The following DIAPH1 variants were observed in gnomAD, a reference collection of about 807,000 sequenced individuals.
DIAPH1 encodes the protein diaphanous related formin 1.
DIAPH1 carries 46 observed loss-of-function variants against 140.7 expected under a neutral mutation model. That is an observed-to-expected ratio of 0.33 (90% CI 0.26 to 0.42). DIAPH1 has a LOEUF of 0.42. DIAPH1 is among the 10% of genes least tolerant of loss of function. The pLI is 1.00. For missense variants in DIAPH1, 1,310 were observed against 1,558.7 expected (o/e 0.84, Z 2.69); for synonymous variants, 565 against 551.6 (o/e 1.02, Z -0.34).
At chr5:141,523,928 T>G (rs2099886926) in intron 27 of DIAPH1, among the ~76,000 whole-genome samples, 1 of 151,936 alleles carries the variant, frequency 6.6e-6, no homozygotes, top group Non-Finnish European at 1.5e-5. Flanking sequence ...TGCGGCATAA[T>G]CCAATGTAAC....
chr5:141,611,684 CA>C (rs1288285053), intron 1 of DIAPH1, among the ~76,000 whole-genome samples: 1 of 152,172 alleles, frequency 6.6e-6, no homozygotes, highest in African/African-American at 2.4e-5. Context: ...AGCAAATGGG[CA>C]AAATCTTGAA....
intron 27 of DIAPH1, chr5:141,518,649 A>G: frequency 2.7e-6 from 1 of 375,694 alleles, no homozygotes; most frequent in Non-Finnish European, 5.0e-6. Context: ...CAGCCTCCCT[A>G]GTAGCTGGGA....
intron 18 of DIAPH1, among the ~76,000 whole-genome samples, chr5:141,537,485 A>G (rs1255557515): frequency 1.1e-5 from 1 of 91,742 alleles, no homozygotes; most frequent in Non-Finnish European, 2.5e-5. Flanking sequence ...CTCCGTCTCA[A>G]AAAAAAAAAA....
chr5:141,562,517 T>C (rs376095521), intron 18 of DIAPH1, among the ~76,000 whole-genome samples: 11 of 149,242 alleles, frequency 7.4e-5, no homozygotes, highest in Non-Finnish European at 1.6e-4. Flanking sequence ...CTCTAGAAGG[T>C]AGGGGAGGGA....
intron 19 of DIAPH1, among the ~76,000 whole-genome samples, chr5:141,532,190 TG>T (rs1193705986): frequency 1.3e-5 from 2 of 152,094 alleles, no homozygotes; most frequent in Admixed American, 1.3e-4. Flanking sequence ...TTTTTTTTTT[TG>T]AGACGGGTCT....
At position 141,577,566 on chromosome 5, in the gene DIAPH1, G is replaced by A; in HGVS notation, c.1189C>T (p.Leu397Phe). The change falls in exon 12 of 28, where the codon CTC (leucine) becomes TTC (phenylalanine). Residue 397 changes from leucine to phenylalanine, a missense_variant. Leu to Phe is a conservative substitution (Grantham distance 22, BLOSUM62 0). This residue lies in a region of DIAPH1 where 377 missense variants were observed against 497.1 expected (regional missense o/e 0.76). Transcript: ENST00000389054. ...TTTGAATCCTTCACTGTGTTTAAGA[G>A]AATCTGAAAGACTTCATTAAAGTCA... ...MDDFNEVFQI[L>F]LNTVKDSKAE... is the part of the protein sequence containing the mutation. 6.2e-7 allele frequency: 1 copy of A among 1,612,074 alleles called. No homozygotes were observed. Among genetic ancestry groups the A allele is most frequent in the Non-Finnish European group, 8.5e-7 (1 of 1,178,160 alleles).
intron 18 of DIAPH1, among the ~76,000 whole-genome samples, chr5:141,544,137 T>C (rs1297355750): frequency 5.9e-5 from 9 of 151,670 alleles, no homozygotes; most frequent in Admixed American, 5.9e-4. Flanking sequence ...GGTGAAACCC[T>C]GTCTCTAGTA....
intron 1 of DIAPH1, among the ~76,000 whole-genome samples, chr5:141,618,091 A>G (rs1010429712): frequency 1.3e-5 from 2 of 152,218 alleles, no homozygotes; most frequent in Non-Finnish European, 2.9e-5. Flanking sequence ...TCCTCTGAAA[A>G]GTGATAAGCA....
intron 8 of DIAPH1, among the ~76,000 whole-genome samples, chr5:141,580,533 C>T (rs1230104447): frequency 6.6e-6 from 1 of 151,966 alleles, no homozygotes; most frequent in East Asian, 1.9e-4. Context: ...TTTTGCTATA[C>T]CTCTGATGAC....
intron 1 of DIAPH1, among the ~76,000 whole-genome samples, chr5:141,592,145 T>C (rs758920359): frequency 3.3e-5 from 5 of 151,414 alleles, no homozygotes; most frequent in Non-Finnish European, 7.4e-5. Flanking sequence ...GTGTTCAATT[T>C]GGGGAAGGAC....
intron 2 of DIAPH1, chr5:141,587,545 C>A: frequency 3.4e-6 from 1 of 291,024 alleles, no homozygotes; most frequent in South Asian, 4.0e-5. Context: ...CAATAAAATG[C>A]CCTTTGTTTC....
chr5:141,613,547 G>A (rs768541018), intron 1 of DIAPH1, among the ~76,000 whole-genome samples: 6 of 152,126 alleles, frequency 3.9e-5, no homozygotes, highest in Non-Finnish European at 7.3e-5. Context: ...CACTGAGTGG[G>A]TGTTTGGACT....
intron 18 of DIAPH1, among the ~76,000 whole-genome samples, chr5:141,543,530 G>A (rs897117988): frequency 1.3e-5 from 2 of 152,258 alleles, no homozygotes; most frequent in South Asian, 2.1e-4. Context: ...TGGTGCAAAA[G>A]CCATATGCAT....
intron 18 of DIAPH1, among the ~76,000 whole-genome samples, chr5:141,539,436 T>G (rs1054861740): frequency 3.3e-5 from 5 of 150,422 alleles, no homozygotes; most frequent in South Asian, 2.1e-4. Flanking sequence ...TTTTGTTTTT[T>G]TTTTTTGGTA....
chr5:141,531,574 G>A (rs371968025), intron 19 of DIAPH1, among the ~76,000 whole-genome samples: 1 of 151,982 alleles, frequency 6.6e-6, no homozygotes, highest in African/African-American at 2.4e-5. Context: ...TGCAACCTCC[G>A]CTTCCCGGGT....
chr5:141,604,678 G>A (rs2099900663), intron 1 of DIAPH1, among the ~76,000 whole-genome samples: 1 of 152,142 alleles, frequency 6.6e-6, no homozygotes, highest in South Asian at 2.1e-4. Flanking sequence ...CATTCCTAAA[G>A]TCCTTTCATT....
At chr5:141,528,141 A>G (rs1430267215) in intron 23 of DIAPH1, among the ~76,000 whole-genome samples, 1 of 152,178 alleles carries the variant, frequency 6.6e-6, no homozygotes, top group African/African-American at 2.4e-5. Flanking sequence ...GTGAGGCCTA[A>G]TTTTTGTTAA....
chr5:141,532,421 C>T (rs1217991612), intron 19 of DIAPH1, among the ~76,000 whole-genome samples: 2 of 152,308 alleles, frequency 1.3e-5, no homozygotes, highest in Non-Finnish European at 1.5e-5. Flanking sequence ...CTTCCCACCT[C>T]AGCTTCCTGC....
chr5:141,557,144 C>T (rs2099892729), intron 18 of DIAPH1, among the ~76,000 whole-genome samples: 1 of 152,174 alleles, frequency 6.6e-6, no homozygotes, highest in South Asian at 2.1e-4. Context: ...AAAAAAACAA[C>T]TATCATAAGA....
Sources: allele counts gnomAD v4.1 joint callset (sites outside exome capture counted in the v4.1 genomes callset), GRCh38; gene constraint gnomAD v4.1.1; regional missense constraint gnomAD v4.1.1; transcripts MANE v1.5; gene names NCBI Gene and HGNC (gene_info 2026-07-23, HGNC 2026-07-21).